Variants in DNAH7 observed in about 807,000 individuals in gnomAD.
The protein encoded by DNAH7 is dynein axonemal heavy chain 7, also known as axonemal beta dynein heavy chain 7.
A neutral mutation model predicts 444.6 loss-of-function variants in DNAH7; 397 were observed. That is an observed-to-expected ratio of 0.89 (90% CI 0.82 to 0.97). DNAH7 has a LOEUF of 0.97. DNAH7 is among the 50% of genes least tolerant of loss of function. DNAH7 has a pLI of 0.00. For synonymous variants in DNAH7, 1,636 were observed against 1,624.4 expected (o/e 1.01, Z -0.17); for missense variants, 4,902 against 4,800.8 (o/e 1.02, Z -0.62).
chr2:195,918,378 G>T (rs1687815223), intron 24 of DNAH7, among the ~76,000 whole-genome samples: 1 of 152,186 alleles, frequency 6.6e-6, no homozygotes. Flanking sequence ...TTCTCACAAA[G>T]CTAAACATAG....
chr2:195,821,578 T>C (rs1184945144), intron 49 of DNAH7, among the ~76,000 whole-genome samples: 3 of 152,180 alleles, frequency 2.0e-5, no homozygotes, highest in Non-Finnish European at 2.9e-5. Flanking sequence ...GGCTCATATA[T>C]CACAGGAGAA....
At chr2:195,996,610 C>T (rs1299797315) in intron 12 of DNAH7, among the ~76,000 whole-genome samples, 1 of 151,786 alleles carries the variant, frequency 6.6e-6, no homozygotes, top group Non-Finnish European at 1.5e-5. Context: ...AGTTTTAGTA[C>T]AGACAGGGTT....
rs191343756 is a variant in DNAH7 at position 195,747,888 on chromosome 2, G to A, written c.11764+6449C>T. On this transcript the variant is annotated intron_variant, in intron 63 of 64. Transcript: ENST00000312428. ...ACCCACAGCCAATATCATACTGAAT[G>A]GGCAAAAACTGGAAGATTCCCTTTG... Among the ~76,000 whole-genome samples, 47 of 152,270 alleles carry A rather than the reference G, an allele frequency of 3.1e-4. No homozygotes were observed. In the East Asian group the frequency reaches 8.1e-3, roughly 26 times the overall value.
In DNAH7 at chr2:196,047,375, T is replaced by C; in HGVS notation, c.375A>G (p.Arg125=). The change falls in exon 5 of 65, where the codon AGA becomes AGG. Residue 125 remains arginine (R), a synonymous_variant. Coordinates refer to ENST00000312428, the MANE Select transcript of DNAH7 (RefSeq NM_018897.3). ...ACATAATGACATTAACAAGAGTACT[T>C]CTAAAGTTTTCTCGTTCTTTATGTG... ...KSPHKERENF[R]STLVNVIMQQ... 1 of 1,598,470 alleles carries C rather than the reference T, an allele frequency of 6.3e-7. No homozygotes were observed. Among genetic ancestry groups the C allele is most frequent in the Non-Finnish European group, 8.5e-7 (1 of 1,171,538 alleles).
intron 42 of DNAH7, among the ~76,000 whole-genome samples, chr2:195,860,240 T>C (rs903027450): frequency 4.6e-5 from 7 of 151,920 alleles, no homozygotes; most frequent in African/African-American, 1.7e-4. Flanking sequence ...TTTATAATCC[T>C]TTTTTTTGTT....
intron 51 of DNAH7, among the ~76,000 whole-genome samples, chr2:195,816,412 T>C (rs1419212923): frequency 6.6e-6 from 1 of 152,226 alleles, no homozygotes; most frequent in Non-Finnish European, 1.5e-5. Context: ...ATTATAATTC[T>C]AGATCTCTGT....
chr2:195,983,301 G>A (rs907794840), intron 15 of DNAH7, among the ~76,000 whole-genome samples: 7 of 152,256 alleles, frequency 4.6e-5, no homozygotes, highest in African/African-American at 1.7e-4. Context: ...TGCTATGAAG[G>A]AGTACCTGAG....
intron 46 of DNAH7, among the ~76,000 whole-genome samples, chr2:195,845,411 G>A (rs1559139453): frequency 6.6e-6 from 1 of 152,078 alleles, no homozygotes; most frequent in Non-Finnish European, 1.5e-5. Flanking sequence ...TCAGAATTTT[G>A]TATCTGGAAA....
chr2:195,800,307 C>T (rs1339333586), intron 54 of DNAH7, among the ~76,000 whole-genome samples: 1 of 152,120 alleles, frequency 6.6e-6, no homozygotes, highest in Non-Finnish European at 1.5e-5. Context: ...ATCATGTTGT[C>T]CATATGTATA....
intron 57 of DNAH7, among the ~76,000 whole-genome samples, chr2:195,789,299 T>C (rs553062743): frequency 2.6e-5 from 4 of 151,608 alleles, no homozygotes; most frequent in East Asian, 3.9e-4. Flanking sequence ...TAATGTACCA[T>C]TGAGGGGAAA....
In DNAH7 at chr2:195,922,076, T is replaced by G; in HGVS notation, c.3935+12A>C. ...AGTTATTTCCAATAGATCCTTAAAT[T>G]AAAGGGTTTACCTGTAACATCTATC... is the stretch of plus-strand genomic sequence containing the variant. On this transcript the variant is annotated intron_variant, in intron 24 of 64. Coordinates refer to ENST00000312428, the MANE Select transcript of DNAH7 (RefSeq NM_018897.3). 1.4e-6 allele frequency: 2 copies of G among 1,480,344 alleles called. No individual in the cohort carries two copies. Among genetic ancestry groups the G allele is most frequent in the Non-Finnish European group, 1.9e-6 (2 of 1,059,610 alleles). 91.7% of individuals were successfully genotyped at this position (1,480,344 alleles called of 1,614,324 possible). A position where few individuals can be genotyped will look rare whatever the true frequency, so the allele number is the denominator to read the frequency against.
At position 195,857,690 on chromosome 2, in the gene DNAH7, G is replaced by C; in HGVS notation, c.8101C>G (p.Pro2701Ala). The C allele has an allele frequency of 6.2e-7, 1 of 1,611,058 alleles. No homozygotes were observed. Among genetic ancestry groups the C allele is most frequent in the Non-Finnish European group, 8.5e-7 (1 of 1,178,898 alleles). ...TCCATAACAAGCTTGACACCAGCAG[G>C]AGGACTCTTCATGGATTTTACCACT... Reference protein sequence around the residue: ...ITVVKSMKSPPAGVKLVMEAI... With the variant: ...ITVVKSMKSPAAGVKLVMEAI... Residue 2701 changes from proline to alanine, a missense_variant, in exon 44 of 65, where the codon CCT becomes GCT. Coordinates refer to ENST00000312428, the MANE Select transcript of DNAH7 (RefSeq NM_018897.3).
Position 195,867,057 on chromosome 2 carries a change from C to A in DNAH7, c.6634-2036G>T, listed in dbSNP as rs1294727831. Reference sequence around the variant, plus strand: ...AACTGTAAGTCCAATAAACCTCTTTCTTTTGTAAATTGCCCAGTCTCGGGT... The same window carrying A: ...AACTGTAAGTCCAATAAACCTCTTTATTTTGTAAATTGCCCAGTCTCGGGT... On this transcript the variant is annotated intron_variant, in intron 40 of 64. Transcript: ENST00000312428. Among the ~76,000 whole-genome samples the A allele has an allele frequency of 2.0e-5, 3 of 152,310 alleles. No homozygotes were observed. In the East Asian group the frequency reaches 5.8e-4, roughly 29 times the overall value.
chr2:195,816,562 G>A, intron 51 of DNAH7, 66 bp downstream of exon 51: 1 of 1,222,784 alleles, frequency 8.2e-7, no homozygotes, highest in Non-Finnish European at 1.1e-6. Flanking sequence ...AACAATAGAG[G>A]TCACAAATTA....
chr2:195,748,489 A>T (rs980811258), intron 63 of DNAH7, among the ~76,000 whole-genome samples: 1 of 152,206 alleles, frequency 6.6e-6, no homozygotes, highest in East Asian at 1.9e-4. Flanking sequence ...AAACTACTTT[A>T]AAGTTCATAT....
At position 196,047,720 on chromosome 2, in the gene DNAH7, T is replaced by C. The variant is rs78539954; in HGVS notation, c.251-221A>G. Among the ~76,000 whole-genome samples, 2,963 of 151,934 alleles carry C rather than the reference T, an allele frequency of 0.02. 247 individuals carry two copies. In the East Asian group the frequency reaches 0.27, roughly 14 times the overall value. ...CTATTTCAAGAATATTCCACTGATTTATATTTTGATTAATATACTAATAAA... is the reference window on the plus strand; with the variant it reads ...CTATTTCAAGAATATTCCACTGATTCATATTTTGATTAATATACTAATAAA... On this transcript the variant is annotated intron_variant, in intron 4 of 64. Transcript: ENST00000312428.
chr2:195,856,677 C>A lies in DNAH7; in HGVS notation c.8415-686G>T, dbSNP rs547411048. ...GATATAACTAGTTCTCATATAATCA[C>A]CAAAAAAGGCTCCTTATTTCACAAG... On this transcript the variant is annotated intron_variant, in intron 44 of 64. Coordinates refer to ENST00000312428, the MANE Select transcript of DNAH7 (RefSeq NM_018897.3). Among the ~76,000 whole-genome samples the A allele has an allele frequency of 3.3e-5, 5 of 152,196 alleles. No homozygotes were observed. In the South Asian group the frequency reaches 1.0e-3, roughly 32 times the overall value.
At chr2:195,771,089 A>C (rs772384879) in intron 61 of DNAH7, among the ~76,000 whole-genome samples, 1 of 152,100 alleles carries the variant, frequency 6.6e-6, no homozygotes, top group Non-Finnish European at 1.5e-5. Flanking sequence ...TGGGAGGCCA[A>C]GGCGGGAGTA....
chr2:195,947,773 T>C (rs1184532787), intron 19 of DNAH7, among the ~76,000 whole-genome samples: 2 of 152,228 alleles, frequency 1.3e-5, no homozygotes, highest in South Asian at 2.1e-4. Context: ...TGTGTCTTTA[T>C]AGCAGAATGA....
Sources: allele counts gnomAD v4.1 joint callset (sites outside exome capture counted in the v4.1 genomes callset), GRCh38; gene constraint gnomAD v4.1.1; transcripts MANE v1.5; gene names NCBI Gene and HGNC (gene_info 2026-07-23, HGNC 2026-07-21).